Variants in FLVCR2 observed in about 807,000 individuals in gnomAD.
FLVCR2 encodes FLVCR choline and putative heme transporter 2, also known as choline/ethanolamine transporter FLVCR2.
A neutral mutation model predicts 48.9 loss-of-function variants in FLVCR2; 38 were observed. The observed-to-expected ratio is 0.78, with a 90% confidence interval of 0.60 to 1.02. FLVCR2 has a LOEUF of 1.02. Ranked by LOEUF, FLVCR2 falls within the 50% of genes least tolerant of loss-of-function variation. The probability of loss-of-function intolerance (pLI) is 0.00; values close to 1 mark genes in which losing one functional copy is unlikely to be tolerated. For missense variants in FLVCR2, 664 were observed against 663.3 expected (o/e 1.00, Z -0.01); for synonymous variants, 255 against 257.0 (o/e 0.99, Z 0.07).
At chr14:75,605,388 C>T (rs1363628127) in intron 1 of FLVCR2, 4 of 1,332,044 alleles carry the variant, frequency 3.0e-6, no homozygotes, top group Non-Finnish European at 3.0e-6. Flanking sequence ...TTCTACAGAG[C>T]TAAGGGCCTT....
At chr14:75,596,137 CTGTT>C (rs1283289637) in intron 1 of FLVCR2, 2 of 842,628 alleles carry the variant, frequency 2.4e-6, no homozygotes, top group South Asian at 2.6e-5. Flanking sequence ...ATATCAATGA[CTGTT>C]TGTTTCCTCT....
Position 75,646,408 on chromosome 14 carries a change from A to G in FLVCR2, c.1517A>G (p.Gln506Arg). 18 of 1,613,086 alleles carry G rather than the reference A, an allele frequency of 1.1e-5. No individual in the cohort carries two copies. Among genetic ancestry groups the G allele is most frequent in the Non-Finnish European group, 1.5e-5 (18 of 1,179,146 alleles). The stretch of plus-strand genomic sequence containing the variant: ...GTTTGTTTTGCTTTATAGAAACTCC[A>G]AGAGGAGGAGGAGGAGAGCAACACC... ...ANKETLENKL[Q>R]EEEEESNTSK... Residue 506 changes from glutamine to arginine, a missense_variant, in exon 10 of 10, where the codon CAA (glutamine) becomes CGA (arginine). Gln to Arg is a conservative substitution (Grantham distance 43). Transcript: ENST00000238667.
intron 1 of FLVCR2, among the ~76,000 whole-genome samples, chr14:75,602,617 A>G (rs898526479): frequency 3.3e-5 from 5 of 152,272 alleles, no homozygotes; most frequent in Admixed American, 1.3e-4. Flanking sequence ...TTATTATACC[A>G]CAGTTACCTG....
At chr14:75,617,483 T>C (rs930610952) in intron 1 of FLVCR2, among the ~76,000 whole-genome samples, 10 of 152,336 alleles carry the variant, frequency 6.6e-5, no homozygotes, top group Non-Finnish European at 1.3e-4. Flanking sequence ...ACACCCTCTA[T>C]TGGGATGAAG....
intron 1 of FLVCR2, among the ~76,000 whole-genome samples, chr14:75,621,478 AT>A (rs1406711849): frequency 1.3e-5 from 2 of 151,918 alleles, no homozygotes; most frequent in Admixed American, 6.6e-5. Flanking sequence ...GTTTATAGCC[AT>A]TTTTTACGTG....
At chr14:75,594,269 A>G (rs918933473) in intron 1 of FLVCR2, among the ~76,000 whole-genome samples, 21 of 152,274 alleles carry the variant, frequency 1.4e-4, no homozygotes, top group African/African-American at 5.1e-4. Flanking sequence ...GAGAAGCTTT[A>G]GGCTCTTCTT....
At chr14:75,582,071 G>C (rs923039226) in intron 1 of FLVCR2, among the ~76,000 whole-genome samples, 2 of 152,128 alleles carry the variant, frequency 1.3e-5, no homozygotes, top group African/African-American at 4.8e-5. Flanking sequence ...TGGCCGTGAG[G>C]GACAGAAGTT....
In FLVCR2 at chr14:75,636,124, G is replaced by C. The variant is rs141823227; in HGVS notation, c.1124+1111G>C. ...TGGCTGGCGGGGCAGCTGTTGGGCTGTACTGTACCGGGGCAGAGCAGTGTC... is the reference window on the plus strand; with the variant it reads ...TGGCTGGCGGGGCAGCTGTTGGGCTCTACTGTACCGGGGCAGAGCAGTGTC... On this transcript the variant is annotated intron_variant, in intron 5 of 9. Transcript: ENST00000238667. 7.3e-3 allele frequency among the ~76,000 whole-genome samples: 1,104 copies of C among 152,090 alleles called. 10 individuals carry two copies. The highest frequency in any genetic ancestry group is 9.1e-3 in the Non-Finnish European group (621 of 67,986).
intron 1 of FLVCR2, among the ~76,000 whole-genome samples, chr14:75,615,433 G>T (rs983156138): frequency 2.0e-5 from 3 of 152,180 alleles, no homozygotes; most frequent in Admixed American, 6.5e-5. Flanking sequence ...GGGAGTCCCA[G>T]TGGCCTCTGC....
chr14:75,624,899 C>T, intron 3 of FLVCR2, 147 bp downstream of exon 3: 1 of 931,534 alleles, frequency 1.1e-6, no homozygotes. Context: ...CAGCTATGCC[C>T]AAGGGCCTTT....
At chr14:75,591,663 C>T (rs1362357184) in intron 1 of FLVCR2, among the ~76,000 whole-genome samples, 1 of 152,190 alleles carries the variant, frequency 6.6e-6, no homozygotes, top group Non-Finnish European at 1.5e-5. Context: ...AGGCATTGTC[C>T]TAGTGAAGAC....
intron 1 of FLVCR2, among the ~76,000 whole-genome samples, chr14:75,605,171 C>T (rs1889260775): frequency 6.6e-6 from 1 of 152,204 alleles, no homozygotes; most frequent in Admixed American, 6.5e-5. Flanking sequence ...CCCCAAGCCT[C>T]AACATCAAAC....
At chr14:75,632,546 C>T in intron 3 of FLVCR2, 1 of 691,770 alleles carries the variant, frequency 1.4e-6, no homozygotes, top group East Asian at 2.7e-5. Flanking sequence ...CCCACCTTCC[C>T]TTGCACCTTA....
chr14:75,589,966 C>T (rs929784850), intron 1 of FLVCR2, among the ~76,000 whole-genome samples: 2 of 152,136 alleles, frequency 1.3e-5, no homozygotes, highest in Non-Finnish European at 2.9e-5. Context: ...CTGTCTTAGT[C>T]GATTTTGTGT....
At chr14:75,626,494 C>T (rs1053321649) in intron 3 of FLVCR2, among the ~76,000 whole-genome samples, 1 of 151,836 alleles carries the variant, frequency 6.6e-6, no homozygotes, top group African/African-American at 2.4e-5. Flanking sequence ...GACCTTTCAT[C>T]TGGAATAGCT....
intron 1 of FLVCR2, among the ~76,000 whole-genome samples, chr14:75,597,071 C>T (rs566840212): frequency 1.3e-5 from 2 of 151,996 alleles, no homozygotes; most frequent in African/African-American, 2.4e-5. Flanking sequence ...TGCTTGAGCC[C>T]AGGAGTTTGA....
chr14:75,590,114 G>T (rs1219500735), intron 1 of FLVCR2, among the ~76,000 whole-genome samples: 1 of 152,230 alleles, frequency 6.6e-6, no homozygotes, highest in Non-Finnish European at 1.5e-5. Flanking sequence ...TGCAGAGAAG[G>T]TTAAAGGGGA....
chr14:75,597,122 A>C (rs1463564229), intron 1 of FLVCR2, among the ~76,000 whole-genome samples: 1 of 151,516 alleles, frequency 6.6e-6, no homozygotes, highest in African/African-American at 2.4e-5. Flanking sequence ...TCTCCACAAA[A>C]AGTACGAAAT....
chr14:75,628,907 C>G (rs1486782221), intron 3 of FLVCR2, among the ~76,000 whole-genome samples: 1 of 152,220 alleles, frequency 6.6e-6, no homozygotes, highest in Admixed American at 6.5e-5. Context: ...TCTGCCATTG[C>G]CAGACTGCAA....
Sources: gnomAD v4.1 joint callset for allele counts (sites outside exome capture counted in the v4.1 genomes callset) on GRCh38, gnomAD v4.1.1 for gene constraint, MANE v1.5 for transcripts, NCBI Gene and HGNC (gene_info 2026-07-23, HGNC 2026-07-21) for gene names.